Variants in CCSER1 observed in about 807,000 individuals in gnomAD.
CCSER1 encodes serine-rich coiled-coil domain-containing protein 1.
A neutral mutation model predicts 82.0 loss-of-function variants in CCSER1; 41 were observed. The observed-to-expected ratio is 0.50, with a 90% CI of 0.39 to 0.65. The LOEUF (loss-of-function observed/expected upper bound fraction) is 0.65. Among genes scored for constraint, CCSER1 ranks in the 30% least tolerant of loss-of-function variants. The pLI, the probability that CCSER1 is intolerant of heterozygous loss-of-function variation, is 0.00. For synonymous variants in CCSER1, 414 were observed against 383.9 expected (o/e 1.08, Z -0.92); for missense variants, 1,119 against 1,064.2 (o/e 1.05, Z -0.72).
At chr4:90,751,380 A>G (rs201360233) in intron 7 of CCSER1, among the ~76,000 whole-genome samples, 1 of 152,092 alleles carries the variant, frequency 6.6e-6, no homozygotes, top group African/African-American at 2.4e-5. Context: ...AGCTGCCTCT[A>G]AAGTATCTTT....
intron 7 of CCSER1, among the ~76,000 whole-genome samples, chr4:90,765,561 G>A (rs1224730580): frequency 6.6e-6 from 1 of 152,032 alleles, no homozygotes; most frequent in Non-Finnish European, 1.5e-5. Flanking sequence ...AGATTTGAAG[G>A]AGAGTGATCC....
chr4:90,810,459 C>T (rs1182507564), intron 7 of CCSER1, among the ~76,000 whole-genome samples: 2 of 151,984 alleles, frequency 1.3e-5, no homozygotes, highest in Admixed American at 1.3e-4. Flanking sequence ...GCCAGCCTGG[C>T]CAACATGGTG....
In CCSER1 at chr4:90,278,670, A is replaced by G. The variant is rs1391645728; in HGVS notation, c.-41-29574A>G. 2.0e-5 allele frequency among the ~76,000 whole-genome samples: 3 copies of G among 151,904 alleles called. No individual in the cohort carries two copies. In the East Asian group the frequency reaches 5.9e-4, roughly 30 times the overall value. On this transcript the variant is annotated intron_variant, in intron 1 of 10. Transcript: ENST00000509176. ...ATGGGAACAATAGACATTGAGGACC[A>G]CTAGAAAAAGGGGGGATGGAAGGGG...
chr4:91,400,372 A>G (rs1219959967), intron 10 of CCSER1, among the ~76,000 whole-genome samples: 2 of 151,762 alleles, frequency 1.3e-5, no homozygotes, highest in South Asian at 2.1e-4. Flanking sequence ...GATTCAACAC[A>G]TCACATTTCT....
At chr4:90,476,117 A>C (rs1765065762) in intron 5 of CCSER1, among the ~76,000 whole-genome samples, 2 of 152,082 alleles carry the variant, frequency 1.3e-5, no homozygotes, top group Admixed American at 1.3e-4. Context: ...CAGGGCTCAC[A>C]TAACCTGGAT....
intron 9 of CCSER1, among the ~76,000 whole-genome samples, chr4:90,963,379 T>C (rs1656460026): frequency 6.6e-6 from 1 of 152,128 alleles, no homozygotes; most frequent in Admixed American, 6.6e-5. Context: ...TATGGAGATA[T>C]ATATAAACAT....
At chr4:90,846,952 T>C (rs1763298660) in intron 8 of CCSER1, among the ~76,000 whole-genome samples, 1 of 152,200 alleles carries the variant, frequency 6.6e-6, no homozygotes, top group Non-Finnish European at 1.5e-5. Context: ...CAGCCTATTT[T>C]GTGAAATATT....
At chr4:91,434,113 A>G (rs1253414119) in intron 10 of CCSER1, among the ~76,000 whole-genome samples, 2 of 152,202 alleles carry the variant, frequency 1.3e-5, no homozygotes, top group East Asian at 3.8e-4. Flanking sequence ...TGCACAAAAT[A>G]TTCAGAAGGA....
chr4:90,816,100 T>C (rs1008671424), intron 8 of CCSER1, among the ~76,000 whole-genome samples: 1 of 152,174 alleles, frequency 6.6e-6, no homozygotes, highest in Non-Finnish European at 1.5e-5. Context: ...GATTAAACAT[T>C]TCGGTTGTAT....
chr4:90,158,077 A>T (rs1728644054), intron 1 of CCSER1, among the ~76,000 whole-genome samples: 1 of 152,100 alleles, frequency 6.6e-6, no homozygotes, highest in South Asian at 2.1e-4. Flanking sequence ...TCTGTTTGTT[A>T]GTTTCCCTTC....
chr4:90,628,576 T>C (rs1261458400), intron 6 of CCSER1, among the ~76,000 whole-genome samples: 2 of 152,168 alleles, frequency 1.3e-5, no homozygotes, highest in Non-Finnish European at 2.9e-5. Context: ...TAAATGTATT[T>C]CACATCAATG....
intron 10 of CCSER1, among the ~76,000 whole-genome samples, chr4:91,168,718 A>G (rs1732433828): frequency 6.6e-6 from 1 of 152,162 alleles, no homozygotes; most frequent in African/African-American, 2.4e-5. Flanking sequence ...GCGACCATCG[A>G]GAATGGGCCA....
chr4:91,559,221 T>C (rs984408206), intron 10 of CCSER1, among the ~76,000 whole-genome samples: 1 of 151,648 alleles, frequency 6.6e-6, no homozygotes, highest in Non-Finnish European at 1.5e-5. Context: ...TGTTAAGCAC[T>C]AATTTTCCAA....
At chr4:91,178,882 T>A (rs1349805581) in intron 10 of CCSER1, among the ~76,000 whole-genome samples, 1 of 152,208 alleles carries the variant, frequency 6.6e-6, no homozygotes, top group East Asian at 1.9e-4. Flanking sequence ...TTTGATGCAG[T>A]TTCTTCCTTG....
chr4:90,284,058 G>C (rs1729374330), intron 1 of CCSER1, among the ~76,000 whole-genome samples: 1 of 151,956 alleles, frequency 6.6e-6, no homozygotes, highest in African/African-American at 2.4e-5. Flanking sequence ...TTTTTGATTT[G>C]CATTTCTCTT....
chr4:90,690,035 G>C (rs957408063), intron 6 of CCSER1, among the ~76,000 whole-genome samples: 4 of 152,044 alleles, frequency 2.6e-5, no homozygotes, highest in African/African-American at 9.7e-5. Context: ...CTTGGGCCAG[G>C]TATGCACAGA....
intron 10 of CCSER1, among the ~76,000 whole-genome samples, chr4:91,510,315 A>G (rs1759750236): frequency 6.6e-6 from 1 of 152,194 alleles, no homozygotes; most frequent in South Asian, 2.1e-4. Flanking sequence ...TCATAAACAT[A>G]TGAGTGTAGG....
intron 10 of CCSER1, among the ~76,000 whole-genome samples, chr4:91,503,289 C>T (rs1759310728): frequency 6.6e-6 from 1 of 150,604 alleles, no homozygotes; most frequent in Non-Finnish European, 1.5e-5. Context: ...TTGCAGTGAG[C>T]CAAGATGGTG....
rs559055099 is a variant in CCSER1, at chr4:90,524,373, G to A, written c.1724+56019G>A. Reference sequence around the variant, plus strand: ...AGCCAAGGGGCAAACAGCTGGAGCAGAGCTAGCAGAAAAACAGTGGGATGT... The same window carrying A: ...AGCCAAGGGGCAAACAGCTGGAGCAAAGCTAGCAGAAAAACAGTGGGATGT... On this transcript the variant is annotated intron_variant, in intron 5 of 10. Coordinates refer to ENST00000509176, the MANE Select transcript of CCSER1 (RefSeq NM_001145065.2). Among the ~76,000 whole-genome samples the A allele has an allele frequency of 1.4e-4, 22 of 152,338 alleles. No individual in the cohort carries two copies. The South Asian group carries it at 4.3e-3, about 30-fold the overall frequency.
Sources: allele counts gnomAD v4.1 joint callset (sites outside exome capture counted in the v4.1 genomes callset), GRCh38; gene constraint gnomAD v4.1.1; transcripts MANE v1.5; gene names NCBI Gene and HGNC (gene_info 2026-07-23, HGNC 2026-07-21).